Variants in DZIP1 observed in about 807,000 individuals in gnomAD.
DZIP1 encodes the protein cilium assembly protein DZIP1.
DZIP1 carries 97 observed loss-of-function variants against 107.6 expected under a neutral mutation model. The ratio of observed to expected loss-of-function variants is 0.90; its 90% CI spans 0.77 to 1.07. The LOEUF is 1.07. Ranked by LOEUF, DZIP1 falls within the 50% of genes least tolerant of loss-of-function variation. The probability of loss-of-function intolerance (pLI) is 0.00; values close to 1 mark genes in which losing one functional copy is unlikely to be tolerated. For synonymous variants in DZIP1, 390 were observed against 386.4 expected (o/e 1.01, Z -0.11); for missense variants, 1,035 against 1,063.6 (o/e 0.97, Z 0.37).
intron 15 of DZIP1, among the ~76,000 whole-genome samples, chr13:95,595,845 G>C (rs1187698400): frequency 6.6e-6 from 1 of 152,166 alleles, no homozygotes; most frequent in Non-Finnish European, 1.5e-5. Flanking sequence ...CCACATACAG[G>C]GGCAAGCGAT....
intron 10 of DZIP1, among the ~76,000 whole-genome samples, chr13:95,618,761 TCTA>T (rs781105961): frequency 1.3e-4 from 20 of 152,226 alleles, no homozygotes; most frequent in Non-Finnish European, 2.6e-4. Flanking sequence ...CGTTTAATAT[TCTA>T]CTAAGAAAGG....
intron 5 of DZIP1, among the ~76,000 whole-genome samples, chr13:95,634,353 C>T (rs1450268811): frequency 6.6e-6 from 1 of 152,226 alleles, no homozygotes; most frequent in Non-Finnish European, 1.5e-5. Context: ...TTTTCATCCT[C>T]ATACATCTCA....
intron 10 of DZIP1, among the ~76,000 whole-genome samples, chr13:95,616,905 A>AC (rs1171999382): frequency 1.7e-4 from 26 of 152,124 alleles, no homozygotes; most frequent in African/African-American, 6.0e-4. Context: ...TATTCAGGTG[A>AC]GCCCCCTGAA....
rs531020449 is a variant in DZIP1 at position 95,581,140 on chromosome 13, A to C, written c.*1094T>G. On this transcript the variant is annotated 3_prime_UTR_variant, in exon 23 of 23. Coordinates refer to ENST00000376829, the MANE Select transcript of DZIP1 (RefSeq NM_198968.4). The stretch of plus-strand genomic sequence containing the variant: ...GTGATGTAACAGAGGGCTTTACTGA[A>C]AAGGTTGACAAATGAAAAGAGATCT... 6.5e-6 allele frequency: 1 copy of C among 152,754 alleles called. No homozygotes were observed. The highest frequency in any genetic ancestry group is 2.1e-4 in the South Asian group (1 of 4,830). 9.5% of individuals were successfully genotyped at this position (152,754 alleles called of 1,614,324 possible).
rs560797053 is a variant in DZIP1 at position 95,614,231 on chromosome 13, T to C, written c.1174-2054A>G. 1.5e-3 allele frequency among the ~76,000 whole-genome samples: 223 copies of C among 150,558 alleles called. 1 individual carries two copies. The highest frequency in any genetic ancestry group is 4.3e-3 in the African/African-American group (178 of 41,110). ...CTGGACAAACACTGGGTGGAACCAA[T>C]CTAGAAAGATTTTCCGAGTGAAACC... On this transcript the variant is annotated intron_variant, in intron 10 of 22. Coordinates refer to ENST00000376829, the MANE Select transcript of DZIP1 (RefSeq NM_198968.4).
chr13:95,586,159 G>T (rs1446973888), intron 20 of DZIP1, 23 bp from the exon 21 acceptor site: 1 of 1,565,928 alleles, frequency 6.4e-7, no homozygotes, highest in African/African-American at 1.4e-5. Context: ...TAAAAATTAG[G>T]CAAGTTAAGT....
intron 14 of DZIP1, among the ~76,000 whole-genome samples, chr13:95,600,753 G>T (rs1182101161): frequency 6.6e-6 from 1 of 152,148 alleles, no homozygotes; most frequent in Non-Finnish European, 1.5e-5. Flanking sequence ...CTACTTTCAA[G>T]TTAACTTCTG....
Position 95,643,717 on chromosome 13 carries a change from G to C in DZIP1, c.-525-19C>G, listed in dbSNP as rs1001458178. On this transcript the variant is annotated intron_variant, in intron 1 of 22. Transcript: ENST00000376829. ...CTAGAACCTAGCAGAGGACAGGCACGGAGAAGGCGTTCAGAATTTGCTGAA... is the reference window on the plus strand; with the variant it reads ...CTAGAACCTAGCAGAGGACAGGCACCGAGAAGGCGTTCAGAATTTGCTGAA... The C allele has an allele frequency of 1.3e-5, 2 of 152,698 alleles. No individual in the cohort carries two copies. The highest frequency in any genetic ancestry group is 4.8e-5 in the African/African-American group (2 of 41,466). The allele number at this position is 152,698 out of a possible 1,614,324, so 9.5% of individuals were successfully genotyped here.
At chr13:95,600,574 GAGAT>G (rs56331221) in intron 14 of DZIP1, among the ~76,000 whole-genome samples, 9,693 of 147,092 alleles carry the variant, frequency 0.066, 399 homozygotes, top group Non-Finnish European at 0.095. Flanking sequence ...AGAGATGATA[GAGAT>G]AGATAGATAG....
chr13:95,609,387 G>A (rs779208504), intron 13 of DZIP1, 70 bp downstream of exon 13: 1 of 1,041,502 alleles, frequency 9.6e-7, no homozygotes, highest in Non-Finnish European at 1.3e-6. Flanking sequence ...AAAATAGTAA[G>A]TAAAAGTTAT....
rs746089866 is a variant in DZIP1, at chr13:95,606,030, T to C, written c.1450A>G (p.Thr484Ala). Residue 484 changes from threonine (T) to alanine (A), a missense_variant, in exon 14 of 23, where the codon ACT becomes GCT. Transcript: ENST00000376829. ...MNAPALHTLE[T>A]KSSLPMVHEQ... ...TGCACCATTGGCAGACTTGATTTAGTTTCCAAAGTGTGCAGGGCTGGGGCA... is the reference window on the plus strand; with the variant it reads ...TGCACCATTGGCAGACTTGATTTAGCTTCCAAAGTGTGCAGGGCTGGGGCA... The C allele has an allele frequency of 2.5e-6, 4 of 1,614,010 alleles. No homozygotes were observed. Among genetic ancestry groups the C allele is most frequent in the Non-Finnish European group, 3.4e-6 (4 of 1,179,950 alleles).
At chr13:95,615,083 G>T (rs1182184235) in intron 10 of DZIP1, among the ~76,000 whole-genome samples, 1 of 152,152 alleles carries the variant, frequency 6.6e-6, no homozygotes, top group East Asian at 1.9e-4. Context: ...GACGAGGAAG[G>T]AGTGCAGCCT....
At chr13:95,624,198 C>T (rs1013666519) in intron 8 of DZIP1, among the ~76,000 whole-genome samples, 12 of 152,224 alleles carry the variant, frequency 7.9e-5, no homozygotes, top group African/African-American at 2.9e-4. Context: ...CAGGTCAAGT[C>T]TAACCAGGGA....
rs1878579060 is a variant in DZIP1 at position 95,641,917 on chromosome 13, G to C, written c.37-62C>G. On this transcript the variant is annotated intron_variant, in intron 4 of 22. Coordinates refer to ENST00000376829, the MANE Select transcript of DZIP1 (RefSeq NM_198968.4). The surrounding 1 kb of genome is among the most constrained non-coding windows in gnomAD (Gnocchi z 4.3). ...GGATGGGGGGCGGGCAGGCTGGGGA[G>C]CTGGGGGTCCGGGGAAGCCCCGGTT... The C allele has an allele frequency of 6.8e-7, 1 of 1,467,702 alleles. No individual in the cohort carries two copies. Among genetic ancestry groups the C allele is most frequent in the Non-Finnish European group, 9.0e-7 (1 of 1,116,858 alleles). 90.9% of individuals were successfully genotyped at this position (1,467,702 alleles called of 1,614,324 possible). A position where few individuals can be genotyped will look rare whatever the true frequency, so the allele number is the denominator to read the frequency against.
intron 10 of DZIP1, among the ~76,000 whole-genome samples, chr13:95,613,065 C>T (rs2045064488): frequency 1.3e-5 from 2 of 151,970 alleles, no homozygotes; most frequent in Non-Finnish European, 2.9e-5. Flanking sequence ...TACAGAGACA[C>T]ACAGACATAT....
intron 10 of DZIP1, among the ~76,000 whole-genome samples, chr13:95,616,629 A>G (rs1003851772): frequency 2.6e-5 from 4 of 152,174 alleles, no homozygotes; most frequent in African/African-American, 9.7e-5. Context: ...AAAAGGGACT[A>G]CCTACTTGGA....
intron 6 of DZIP1, among the ~76,000 whole-genome samples, chr13:95,632,869 C>T (rs1023050763): frequency 6.6e-6 from 1 of 152,198 alleles, no homozygotes; most frequent in African/African-American, 2.4e-5. Context: ...GACTTTCACC[C>T]CACCTGGAGT....
Position 95,588,745 on chromosome 13 carries a change from T to G in DZIP1, c.2027+409A>C, listed in dbSNP as rs557211816. On this transcript the variant is annotated intron_variant, in intron 19 of 22. Coordinates refer to ENST00000376829, the MANE Select transcript of DZIP1 (RefSeq NM_198968.4). Reference sequence around the variant, plus strand: ...CCTAAGAGAACCTAAGACAGGAATATCTACTAGGGTCAGTATTAACTTCCA... The same window carrying G: ...CCTAAGAGAACCTAAGACAGGAATAGCTACTAGGGTCAGTATTAACTTCCA... 2.0e-4 allele frequency among the ~76,000 whole-genome samples: 30 copies of G among 152,312 alleles called. No homozygotes were observed. The South Asian group carries it at 4.6e-3, about 23-fold the overall frequency.
chr13:95,630,672 A>G, intron 6 of DZIP1: 1 of 1,186,394 alleles, frequency 8.4e-7, no homozygotes. Flanking sequence ...TGTAAAAGGA[A>G]GCAACAAGTG....
Sources: allele counts gnomAD v4.1 joint callset (sites outside exome capture counted in the v4.1 genomes callset), GRCh38; gene constraint gnomAD v4.1.1; non-coding constraint Gnocchi (gnomAD v3.1); transcripts MANE v1.5; gene names NCBI Gene and HGNC (gene_info 2026-07-23, HGNC 2026-07-21).